Variants in ZBTB40 observed in about 807,000 individuals in gnomAD.
ZBTB40 encodes zinc finger and BTB domain containing 40.
ZBTB40 carries 60 observed loss-of-function variants against 117.5 expected under a neutral mutation model. That is an observed-to-expected ratio of 0.51 (90% CI 0.41 to 0.63). The LOEUF is 0.63. Ranked by LOEUF, ZBTB40 falls within the 30% of genes least tolerant of loss-of-function variation. The pLI is 0.00. For missense variants in ZBTB40, 1,287 were observed against 1,498.5 expected, an observed-to-expected ratio of 0.86 and a Z score of 2.33; for synonymous variants, 525 against 577.1, an observed-to-expected ratio of 0.91 and a Z score of 1.29.
At chr1:22,479,150 T>A (rs994934860) in intron 1 of ZBTB40, among the ~76,000 whole-genome samples, 2 of 152,364 alleles carry the variant, frequency 1.3e-5, no homozygotes, top group East Asian at 3.9e-4. Context: ...AAATTGCCAA[T>A]CTGTTCTTCA....
intron 15 of ZBTB40, 30 bp downstream of exon 15, chr1:22,521,688 G>A (rs763890808): frequency 2.0e-5 from 33 of 1,614,034 alleles, no homozygotes; most frequent in South Asian, 7.7e-5. Context: ...GGCAGAGAGC[G>A]GGAGGGGCTT....
intron 1 of ZBTB40, among the ~76,000 whole-genome samples, chr1:22,443,365 T>C (rs1413341022): frequency 6.6e-6 from 1 of 152,216 alleles, no homozygotes; most frequent in Non-Finnish European, 1.5e-5. Flanking sequence ...ATGTAAGATA[T>C]ACATTATTTC....
At chr1:22,479,237 G>C (rs1638223869) in intron 1 of ZBTB40, among the ~76,000 whole-genome samples, 1 of 152,150 alleles carries the variant, frequency 6.6e-6, no homozygotes, top group Non-Finnish European at 1.5e-5. Context: ...CCAACATTTG[G>C]TGTTATCAGT....
At chr1:22,496,553 G>C (rs190165649) in intron 3 of ZBTB40, among the ~76,000 whole-genome samples, 9 of 152,332 alleles carry the variant, frequency 5.9e-5, no homozygotes, top group African/African-American at 2.2e-4. Context: ...TCCTTTGAGC[G>C]CCTTCTGTGT....
Position 22,522,485 on chromosome 1 carries a change from C to T in ZBTB40, c.3298+22C>T, listed in dbSNP as rs746651354. ...TCAGGTCAGTACCCCTGTCAGCATA[C>T]TTCTAGGCTAGACTCGGGGCCTGAA... On this transcript the variant is annotated intron_variant, in intron 16 of 17. Transcript: ENST00000375647. 1.2e-5 allele frequency: 19 copies of T among 1,612,548 alleles called. No homozygotes were observed. In the African/African-American group the frequency reaches 2.3e-4, roughly 19 times the overall value.
chr1:22,483,998 G>GAA (rs1638399197), intron 1 of ZBTB40, among the ~76,000 whole-genome samples: 1 of 152,168 alleles, frequency 6.6e-6, no homozygotes, highest in Non-Finnish European at 1.5e-5. Flanking sequence ...ATCACTTGTT[G>GAA]AAAAGATACT....
rs775047960 is a variant in ZBTB40 at position 22,490,559 on chromosome 1, C to T, written c.611C>T (p.Ala204Val). The change falls in exon 2 of 18, where the codon GCG (alanine) becomes GTG (valine). Residue 204 changes from alanine (A) to valine (V), a missense_variant. Physicochemically the swap from Ala to Val is moderately conservative, Grantham distance 64. Transcript: ENST00000375647. ...AGCCAGAGGAATGCAGAAACCCCAG[C>T]GGAGACTCCTACTACAGCTGAAGCT... The part of the protein sequence containing the change: ...QESQRNAETP[A>V]ETPTTAEACS... 18 of 1,613,650 alleles carry T rather than the reference C, an allele frequency of 1.1e-5. No individual in the cohort carries two copies. The highest frequency in any genetic ancestry group is 2.7e-5 in the African/African-American group (2 of 74,902).
At chr1:22,486,528 T>C (rs1638471767) in intron 1 of ZBTB40, among the ~76,000 whole-genome samples, 2 of 152,152 alleles carry the variant, frequency 1.3e-5, no homozygotes, top group African/African-American at 4.8e-5. Context: ...TCTTCACTAT[T>C]CGTTGTGAGG....
chr1:22,484,355 A>C (rs776730953), intron 1 of ZBTB40, among the ~76,000 whole-genome samples: 1 of 152,104 alleles, frequency 6.6e-6, no homozygotes, highest in Middle Eastern at 3.2e-3. Flanking sequence ...CTTCATATAG[A>C]TCTTGTACAT....
At chr1:22,494,902 A>G (rs144415977) in intron 3 of ZBTB40, among the ~76,000 whole-genome samples, 102 of 152,352 alleles carry the variant, frequency 6.7e-4, no homozygotes, top group African/African-American at 2.4e-3. Context: ...GGCTTCAGCA[A>G]TGAGCGCATT....
chr1:22,471,370 G>A (rs1277464805), intron 1 of ZBTB40, among the ~76,000 whole-genome samples: 1 of 152,246 alleles, frequency 6.6e-6, no homozygotes, highest in African/African-American at 2.4e-5. Flanking sequence ...CAGAAATACT[G>A]TCAGCCAGAG....
chr1:22,471,649 G>A (rs16827211), intron 1 of ZBTB40, among the ~76,000 whole-genome samples: 55,861 of 152,092 alleles, frequency 0.37, 12,189 homozygotes, highest in African/African-American at 0.56. Flanking sequence ...GAGAGCCTCA[G>A]GGATATGGAA....
At chr1:22,462,004 C>G (rs182611763) in intron 1 of ZBTB40, among the ~76,000 whole-genome samples, 2 of 152,268 alleles carry the variant, frequency 1.3e-5, no homozygotes, top group East Asian at 3.9e-4. Context: ...CAGCCTTGAA[C>G]AAGTAGGAAG....
rs1224542380 is a variant in ZBTB40 at position 22,520,233 on chromosome 1, A to AG, written c.3009dup (p.Lys1004GlufsTer28). On this transcript the variant is annotated frameshift_variant, in exon 14 of 18. Transcript: ENST00000375647. LOFTEE classifies it high-confidence loss of function. ...AGCGGCACGTGGTGACCCACGTTGGAGGGAAGCCCTTCAGCTGCGGGATCT... is the reference window on the plus strand; with the variant it reads ...AGCGGCACGTGGTGACCCACGTTGGAGGGGAAGCCCTTCAGCTGCGGGATCT... The AG allele has an allele frequency of 1.2e-6, 2 of 1,613,606 alleles. No individual in the cohort carries two copies. Among genetic ancestry groups the AG allele is most frequent in the Non-Finnish European group, 1.7e-6 (2 of 1,179,962 alleles).
chr1:22,429,937 C>T (rs1036721153), intron 1 of ZBTB40, among the ~76,000 whole-genome samples: 49 of 152,196 alleles, frequency 3.2e-4, no homozygotes, highest in African/African-American at 1.1e-3. Flanking sequence ...CGGAGGGTTG[C>T]GGTGAGCTGA....
At chr1:22,472,444 C>G (rs906983899) in intron 1 of ZBTB40, among the ~76,000 whole-genome samples, 2 of 152,174 alleles carry the variant, frequency 1.3e-5, no homozygotes, top group Admixed American at 6.5e-5. Context: ...CCTCGGCCTC[C>G]CAAAGTGTTG....
rs71020419 is a variant in ZBTB40, at chr1:22,441,473, C to CTTTTTTTTTTTTTTTTT, written c.-70+12465_-70+12481dup. 1.2e-4 allele frequency among the ~76,000 whole-genome samples: 9 copies of CTTTTTTTTTTTTTTTTT among 73,714 alleles called. 1 individual carries two copies. Among genetic ancestry groups the CTTTTTTTTTTTTTTTTT allele is most frequent in the Admixed American group, 6.4e-4 (3 of 4,720 alleles). 48.4% of individuals were successfully genotyped at this position (73,714 alleles called of 152,430 possible). A position where few individuals can be genotyped will look rare whatever the true frequency, so the allele number is the denominator to read the frequency against. ...TGCTTCAGTCTTTATTATTTGCTTT[C>CTTTTTTTTTTTTTTTTT]TTTTTTTTTTTTTTTTTTTTTTGAG... On this transcript the variant is annotated intron_variant, in intron 1 of 8. Transcript: ENST00000650433.
In ZBTB40 at chr1:22,491,517, A is replaced by G; in HGVS notation, c.815A>G (p.Lys272Arg). The G allele has an allele frequency of 6.2e-7, 1 of 1,613,980 alleles. No homozygotes were observed. Among genetic ancestry groups the G allele is most frequent in the Non-Finnish European group, 8.5e-7 (1 of 1,179,922 alleles). ...AAACTAGAAATGTGTTCAGAAATTAAAGGTCCACAGAAGGAGGTAGGCACC... is the reference window on the plus strand; with the variant it reads ...AAACTAGAAATGTGTTCAGAAATTAGAGGTCCACAGAAGGAGGTAGGCACC... ...LKKLEMCSEI[K>R]GPQKEMIVKC... Residue 272 changes from lysine (K) to arginine (R), a missense_variant, in exon 3 of 18, where the codon AAA becomes AGA. Around this residue, in one of 2 missense-constraint regions of ZBTB40, gnomAD observed 870 missense variants for 934.4 expected, o/e 0.93. Transcript: ENST00000375647.
rs141710799 is a variant in ZBTB40 at position 22,490,335 on chromosome 1, C to G, written c.387C>G (p.Val129=). The stretch of plus-strand genomic sequence containing the variant: ...TTCAGGGTCAGGTGGTAAGGGATGT[C>G]TCTGCGCCATCCTCAGAGACATTCA... ...CSVQGQVVRD[V]SAPSSETFRK... The change falls in exon 2 of 18, where the codon GTC becomes GTG. Residue 129 remains valine (V), a synonymous_variant. Coordinates refer to ENST00000375647, the MANE Select transcript of ZBTB40 (RefSeq NM_014870.4). 8.1e-6 allele frequency: 13 copies of G among 1,614,040 alleles called. No homozygotes were observed. The highest frequency in any genetic ancestry group is 1.1e-5 in the Non-Finnish European group (13 of 1,180,048).
Sources: allele counts gnomAD v4.1 joint callset (sites outside exome capture counted in the v4.1 genomes callset), GRCh38; gene constraint gnomAD v4.1.1; regional missense constraint gnomAD v4.1.1; transcripts MANE v1.5; gene names NCBI Gene and HGNC (gene_info 2026-07-23, HGNC 2026-07-21).